Variants in DEUP1 observed in about 807,000 individuals in gnomAD.
DEUP1 encodes the protein deuterosome assembly protein 1.
In DEUP1, 82 loss-of-function variants were observed where a neutral mutation model predicts 87.4. The ratio of observed to expected loss-of-function variants is 0.94; its 90% confidence interval spans 0.78 to 1.13. The LOEUF is 1.13. Among genes scored for constraint, DEUP1 ranks in the 50% most tolerant of loss-of-function variants. DEUP1 has a pLI of 0.00. For missense variants in DEUP1, 663 were observed against 681.5 expected (o/e 0.97, Z 0.30); for synonymous variants, 214 against 222.7 (o/e 0.96, Z 0.35).
At chr11:93,359,795 G>A (rs965625052) in intron 4 of DEUP1, among the ~76,000 whole-genome samples, 1 of 152,118 alleles carries the variant, frequency 6.6e-6, no homozygotes, top group African/African-American at 2.4e-5. Flanking sequence ...TAGCCCCACT[G>A]CCACCTACAA....
At position 93,415,023 on chromosome 11, in the gene DEUP1, A is replaced by G. The variant is rs991029254; in HGVS notation, c.1547A>G (p.Asn516Ser). The G allele has an allele frequency of 2.5e-6, 4 of 1,590,898 alleles. No individual in the cohort carries two copies. The highest frequency in any genetic ancestry group is 1.4e-5 in the African/African-American group (1 of 73,410). ...AGACTTAGTCATGACTGTGAGCCAA[A>G]CAGAAGTACAATGCCTCCCTTGCCA... Reference protein sequence around the residue: ...EERLSHDCEPNRSTMPPLPPS... With the variant: ...EERLSHDCEPSRSTMPPLPPS... Residue 516 changes from asparagine to serine, a missense_variant, in exon 13 of 14, where the codon AAC becomes AGC. Transcript: ENST00000298050.
At position 93,418,487 on chromosome 11, in the gene DEUP1, A is replaced by G. The variant is rs555545677; in HGVS notation, c.1638+3373A>G. On this transcript the variant is annotated intron_variant, in intron 13 of 13. Transcript: ENST00000298050. ...CAAATCAAAACCACAATGCGATATCATCTCACACCAGTTAGAATGGCAATC... is the reference window on the plus strand; with the variant it reads ...CAAATCAAAACCACAATGCGATATCGTCTCACACCAGTTAGAATGGCAATC... Among the ~76,000 whole-genome samples, 29 of 152,292 alleles carry G rather than the reference A, an allele frequency of 1.9e-4. No individual in the cohort carries two copies. In the South Asian group the frequency reaches 6.0e-3, roughly 32 times the overall value.
At chr11:93,376,696 G>A (rs373575798) in intron 7 of DEUP1, among the ~76,000 whole-genome samples, 1 of 152,002 alleles carries the variant, frequency 6.6e-6, no homozygotes, top group East Asian at 1.9e-4. Context: ...CTGGTGTCTT[G>A]AAGTGTGATC....
intron 5 of DEUP1, 75 bp from the exon 6 acceptor site, chr11:93,369,998 T>C (rs551208559): frequency 2.9e-6 from 2 of 696,002 alleles, no homozygotes; most frequent in East Asian, 5.8e-5. Context: ...GATGTACAAA[T>C]GAAAGAAGCC....
At chr11:93,369,051 C>G (rs1945570127) in intron 5 of DEUP1, among the ~76,000 whole-genome samples, 1 of 152,140 alleles carries the variant, frequency 6.6e-6, no homozygotes, top group Non-Finnish European at 1.5e-5. Flanking sequence ...GACACAGAGC[C>G]AAACCATATC....
intron 2 of DEUP1, among the ~76,000 whole-genome samples, chr11:93,335,599 C>T (rs947551524): frequency 2.6e-5 from 4 of 152,086 alleles, no homozygotes; most frequent in African/African-American, 7.2e-5. Context: ...AAGGTTTATG[C>T]GTATATCTTC....
intron 2 of DEUP1, among the ~76,000 whole-genome samples, chr11:93,334,700 A>T (rs886457544): frequency 6.6e-6 from 1 of 152,206 alleles, no homozygotes; most frequent in African/African-American, 2.4e-5. Context: ...CTCTGATATC[A>T]TGGTTATAAC....
At chr11:93,347,887 G>A (rs1591100703) in intron 2 of DEUP1, among the ~76,000 whole-genome samples, 1 of 152,030 alleles carries the variant, frequency 6.6e-6, no homozygotes, top group South Asian at 2.1e-4. Flanking sequence ...CTACAGGCGC[G>A]TGCCACCACG....
At chr11:93,406,176 T>G (rs1319950134) in intron 11 of DEUP1, among the ~76,000 whole-genome samples, 6 of 151,958 alleles carry the variant, frequency 3.9e-5, no homozygotes, top group African/African-American at 1.4e-4. Flanking sequence ...ATTTTGTAAT[T>G]TAGACATGCT....
At chr11:93,428,743 C>G (rs1948014472) in intron 13 of DEUP1, among the ~76,000 whole-genome samples, 1 of 152,120 alleles carries the variant, frequency 6.6e-6, no homozygotes, top group African/African-American at 2.4e-5. Context: ...AAATTCATCT[C>G]TTTTGTATTT....
chr11:93,434,857 C>T (rs1948197586), intron 13 of DEUP1, among the ~76,000 whole-genome samples: 1 of 152,196 alleles, frequency 6.6e-6, no homozygotes, highest in South Asian at 2.1e-4. Context: ...AAAGTCTATA[C>T]CACATCCTGA....
intron 7 of DEUP1, among the ~76,000 whole-genome samples, chr11:93,382,193 C>G (rs985846254): frequency 1.3e-5 from 2 of 152,116 alleles, no homozygotes; most frequent in African/African-American, 4.8e-5. Flanking sequence ...AATTTTAAAA[C>G]TACATCTCAG....
In DEUP1 at chr11:93,332,861, C is replaced by A. The variant is rs116738972; in HGVS notation, c.29+573C>A. 1.5e-3 allele frequency among the ~76,000 whole-genome samples: 227 copies of A among 152,332 alleles called. 1 individual carries two copies. Among genetic ancestry groups the A allele is most frequent in the African/African-American group, 5.0e-3 (209 of 41,566 alleles). Reference sequence around the variant, plus strand: ...CCTGCTACCTGCATCACAGAGTTTTCTCTTCCTATTGTTTCACTAGCCAAC... The same window carrying A: ...CCTGCTACCTGCATCACAGAGTTTTATCTTCCTATTGTTTCACTAGCCAAC... On this transcript the variant is annotated intron_variant, in intron 2 of 13. Transcript: ENST00000298050.
Position 93,385,501 on chromosome 11 carries a change from T to TA in DEUP1, c.898dup (p.Ile300AsnfsTer11). ...CGATTGCAATTACACAGAGAATTAT[T>TA]AAAAATAGGAGAGTGCCAAAATGCT... On this transcript the variant is annotated frameshift_variant, in exon 8 of 14. Transcript: ENST00000298050. LOFTEE classifies it high-confidence loss of function. 1 of 1,610,886 alleles carries TA rather than the reference T, an allele frequency of 6.2e-7. No homozygotes were observed. The highest frequency in any genetic ancestry group is 8.5e-7 in the Non-Finnish European group (1 of 1,178,706).
At chr11:93,410,622 G>A (rs1175735462) in intron 12 of DEUP1, among the ~76,000 whole-genome samples, 3 of 152,150 alleles carry the variant, frequency 2.0e-5, no homozygotes, top group Non-Finnish European at 4.4e-5. Context: ...CACCCACTGG[G>A]TACAGAACAC....
In DEUP1 at chr11:93,355,908, G is replaced by C. The variant is rs534281143; in HGVS notation, c.201+366G>C. On this transcript the variant is annotated intron_variant, in intron 3 of 13. Transcript: ENST00000298050. ...GACAAGGCAGAGTTCAGTAACATTT[G>C]CTTCTTTGAATATGCTGGAAAAAAT... Among the ~76,000 whole-genome samples the C allele has an allele frequency of 7.9e-5, 12 of 152,308 alleles. No homozygotes were observed. The South Asian group carries it at 2.5e-3, about 32-fold the overall frequency.
intron 13 of DEUP1, among the ~76,000 whole-genome samples, chr11:93,417,758 T>A (rs1947697156): frequency 6.6e-6 from 1 of 151,392 alleles, no homozygotes; most frequent in Non-Finnish European, 1.5e-5. Flanking sequence ...GCTGGAGGCA[T>A]CATGCTACCT....
intron 4 of DEUP1, 91 bp downstream of exon 4, chr11:93,357,134 T>C (rs570355259): frequency 2.7e-6 from 2 of 738,994 alleles, no homozygotes; most frequent in South Asian, 1.8e-5. Flanking sequence ...GTTTTCAGTA[T>C]AAACAAATGT....
intron 7 of DEUP1, among the ~76,000 whole-genome samples, chr11:93,375,370 A>G (rs574232141): frequency 6.6e-6 from 1 of 152,226 alleles, no homozygotes; most frequent in East Asian, 1.9e-4. Flanking sequence ...GTCTTCTTCC[A>G]GTTCTCAGGG....
Sources: allele counts gnomAD v4.1 joint callset (sites outside exome capture counted in the v4.1 genomes callset), GRCh38; gene constraint gnomAD v4.1.1; transcripts MANE v1.5; gene names NCBI Gene and HGNC (gene_info 2026-07-23, HGNC 2026-07-21).